ADAMTS3: variants seen among roughly 807,000 people sequenced by gnomAD.
ADAMTS3 encodes ADAM metallopeptidase with thrombospondin type 1 motif 3.
ADAMTS3 carries 73 observed loss-of-function variants against 129.0 expected under a neutral mutation model. The observed-to-expected ratio is 0.57, with a 90% CI of 0.47 to 0.69. The LOEUF is 0.69. ADAMTS3 is among the 30% of genes least tolerant of loss of function. The probability of loss-of-function intolerance (pLI) is 0.00; values close to 1 mark genes in which losing one functional copy is unlikely to be tolerated. For synonymous variants in ADAMTS3, 477 were observed against 510.8 expected, an observed-to-expected ratio of 0.93 and a Z score of 0.89; for missense variants, 1,457 against 1,514.5, an observed-to-expected ratio of 0.96 and a Z score of 0.63.
chr4:72,367,392 CA>C (rs1720894691), intron 4 of ADAMTS3, among the ~76,000 whole-genome samples: 1 of 151,954 alleles, frequency 6.6e-6, no homozygotes, highest in African/African-American at 2.4e-5. Context: ...ATATTAACAG[CA>C]ACAAGTTTTG....
At chr4:72,404,747 A>G (rs1158834442) in intron 4 of ADAMTS3, among the ~76,000 whole-genome samples, 2 of 152,140 alleles carry the variant, frequency 1.3e-5, no homozygotes, top group East Asian at 3.9e-4. Flanking sequence ...TTTGCAAACC[A>G]TATATCTGAT....
intron 3 of ADAMTS3, among the ~76,000 whole-genome samples, chr4:72,543,295 C>G (rs1306449250): frequency 6.6e-6 from 1 of 152,132 alleles, no homozygotes; most frequent in East Asian, 1.9e-4. Flanking sequence ...CCATGGGGAA[C>G]AGTATGGCAA....
intron 3 of ADAMTS3, among the ~76,000 whole-genome samples, chr4:72,474,854 G>C (rs1035123861): frequency 1.3e-5 from 2 of 151,456 alleles, no homozygotes; most frequent in Admixed American, 6.6e-5. Context: ...GTGAAACCCC[G>C]TCTCTACTAA....
intron 3 of ADAMTS3, among the ~76,000 whole-genome samples, chr4:72,521,158 CA>C (rs1720662242): frequency 6.6e-6 from 1 of 151,994 alleles, no homozygotes; most frequent in Non-Finnish European, 1.5e-5. Context: ...CCACCACCCC[CA>C]GCTAATTTTT....
intron 4 of ADAMTS3, among the ~76,000 whole-genome samples, chr4:72,344,978 C>T (rs1265423455): frequency 6.6e-6 from 1 of 152,094 alleles, no homozygotes; most frequent in Non-Finnish European, 1.5e-5. Flanking sequence ...AAATACATGA[C>T]ACTCAGAAAT....
chr4:72,410,183 G>A (rs1232967365), intron 4 of ADAMTS3, among the ~76,000 whole-genome samples: 1 of 152,096 alleles, frequency 6.6e-6, no homozygotes, highest in Non-Finnish European at 1.5e-5. Flanking sequence ...TCAAGGAAGG[G>A]CTCTGGGCCT....
intron 4 of ADAMTS3, among the ~76,000 whole-genome samples, chr4:72,383,484 T>C (rs538092260): frequency 1.3e-5 from 2 of 152,140 alleles, no homozygotes; most frequent in Non-Finnish European, 1.5e-5. Context: ...AAGTTTGGGG[T>C]TGGGTAAGTG....
At chr4:72,382,088 A>G (rs910317976) in intron 4 of ADAMTS3, among the ~76,000 whole-genome samples, 10 of 152,188 alleles carry the variant, frequency 6.6e-5, no homozygotes, top group African/African-American at 2.2e-4. Context: ...TAAGCTCTAC[A>G]AGGCTATCTG....
At chr4:72,308,773 C>A (rs560674883) in intron 15 of ADAMTS3, among the ~76,000 whole-genome samples, 9 of 151,972 alleles carry the variant, frequency 5.9e-5, no homozygotes, top group Admixed American at 5.3e-4. Flanking sequence ...CACCTTTGAA[C>A]CTTCAGTGTA....
chr4:72,322,942 C>T, intron 6 of ADAMTS3, 72 bp downstream of exon 6: 1 of 1,216,660 alleles, frequency 8.2e-7, no homozygotes, highest in Admixed American at 1.7e-5. Context: ...TTAGATGTAG[C>T]TTGAACAATT....
chr4:72,288,914 CCATGCA>C, intron 20 of ADAMTS3, 46 bp from the exon 21 acceptor site: 1 of 818,474 alleles, frequency 1.2e-6, no homozygotes, highest in Non-Finnish European at 2.0e-6. Flanking sequence ...TGCACCAAGA[CCATGCA>C]CATACACACA....
chr4:72,472,680 A>G (rs951001108), intron 3 of ADAMTS3, among the ~76,000 whole-genome samples: 2 of 152,164 alleles, frequency 1.3e-5, no homozygotes, highest in African/African-American at 2.4e-5. Flanking sequence ...CCCCCAATAT[A>G]TAACAGAAAA....
intron 4 of ADAMTS3, among the ~76,000 whole-genome samples, chr4:72,377,545 G>T (rs1721163794): frequency 1.3e-5 from 2 of 152,164 alleles, no homozygotes; most frequent in Admixed American, 6.6e-5. Context: ...AGACACAGTA[G>T]TCCCAGTATG....
chr4:72,365,947 G>A (rs1039568569), intron 4 of ADAMTS3, among the ~76,000 whole-genome samples: 4 of 152,202 alleles, frequency 2.6e-5, no homozygotes, highest in Admixed American at 6.5e-5. Flanking sequence ...AAAGAAAATC[G>A]TAAGTTCTCT....
intron 4 of ADAMTS3, among the ~76,000 whole-genome samples, chr4:72,357,948 T>C (rs1437585893): frequency 6.6e-6 from 1 of 151,996 alleles, no homozygotes; most frequent in Admixed American, 6.6e-5. Context: ...AGACATTATG[T>C]AGCAATCTAA....
At chr4:72,427,360 T>G (rs917900383) in intron 3 of ADAMTS3, among the ~76,000 whole-genome samples, 6 of 152,108 alleles carry the variant, frequency 3.9e-5, no homozygotes, top group African/African-American at 1.2e-4. Flanking sequence ...ACATTCCCCT[T>G]TTGAGTGTCA....
intron 3 of ADAMTS3, among the ~76,000 whole-genome samples, chr4:72,514,473 C>G (rs193014417): frequency 1.3e-5 from 2 of 152,280 alleles, no homozygotes; most frequent in Admixed American, 1.3e-4. Context: ...CCAAATCAAG[C>G]TAAGAATAGC....
At chr4:72,479,432 A>C (rs1719357185) in intron 3 of ADAMTS3, among the ~76,000 whole-genome samples, 1 of 152,218 alleles carries the variant, frequency 6.6e-6, no homozygotes, top group Admixed American at 6.5e-5. Flanking sequence ...TGACAAAAAC[A>C]AGCAATGGGG....
chr4:72,522,073 G>C (rs1349902290), intron 3 of ADAMTS3, among the ~76,000 whole-genome samples: 1 of 152,114 alleles, frequency 6.6e-6, no homozygotes, highest in Non-Finnish European at 1.5e-5. Flanking sequence ...AACCTTAATT[G>C]AGTTGGCAGG....
Sources: allele counts gnomAD v4.1 joint callset (sites outside exome capture counted in the v4.1 genomes callset), GRCh38; gene constraint gnomAD v4.1.1; transcripts MANE v1.5; gene names NCBI Gene and HGNC (gene_info 2026-07-23, HGNC 2026-07-21).